SHISA6: variants seen among roughly 807,000 people sequenced by gnomAD.
The protein encoded by SHISA6 is protein shisa-6.
A neutral mutation model predicts 47.9 loss-of-function variants in SHISA6; 22 were observed. The ratio of observed to expected loss-of-function variants is 0.46; its 90% CI spans 0.33 to 0.66. The LOEUF (loss-of-function observed/expected upper bound fraction) is 0.66, where lower values mean the gene tolerates loss of function less well. SHISA6 is among the 30% of genes least tolerant of loss of function. The probability of loss-of-function intolerance (pLI) is 0.02; values close to 1 mark genes in which losing one functional copy is unlikely to be tolerated. For synonymous variants in SHISA6, 388 were observed against 337.8 expected (o/e 1.15, Z -1.63); for missense variants, 680 against 764.6 (o/e 0.89, Z 1.30).
At chr17:11,495,105 C>T (rs2071397456) in intron 3 of SHISA6, among the ~76,000 whole-genome samples, 1 of 152,122 alleles carries the variant, frequency 6.6e-6, no homozygotes, top group Admixed American at 6.5e-5. Flanking sequence ...TCATCCTGCC[C>T]CAGTAGATTT....
intron 2 of SHISA6, among the ~76,000 whole-genome samples, chr17:11,304,145 A>G (rs1910023679): frequency 6.6e-6 from 1 of 152,196 alleles, no homozygotes; most frequent in Non-Finnish European, 1.5e-5. Flanking sequence ...CCCAGTGGGT[A>G]ACGAGGGCCT....
intron 3 of SHISA6, among the ~76,000 whole-genome samples, chr17:11,423,254 T>TATATAA (rs1914503111): frequency 6.9e-6 from 1 of 144,980 alleles, no homozygotes; most frequent in Admixed American, 7.0e-5. Context: ...TATATATATA[T>TATATAA]AATATATATA....
At chr17:11,320,475 T>A (rs561573985) in intron 2 of SHISA6, among the ~76,000 whole-genome samples, 3 of 152,018 alleles carry the variant, frequency 2.0e-5, no homozygotes, top group African/African-American at 7.2e-5. Flanking sequence ...CTGGCTAACA[T>A]GGTGAAATCC....
At position 11,241,993 on chromosome 17, in the gene SHISA6, G is replaced by T. The variant is rs1907377872; in HGVS notation, c.571G>T (p.Ala191Ser). 6.4e-7 allele frequency: 1 copy of T among 1,550,920 alleles called. No individual in the cohort carries two copies. Residue 191 changes from alanine to serine, a missense_variant, in exon 1 of 6, where the codon GCC becomes TCC. Around this residue, in one of 2 missense-constraint regions of SHISA6, gnomAD observed 559 missense variants for 674.1 expected, o/e 0.83. Coordinates refer to ENST00000441885, the MANE Select transcript of SHISA6 (RefSeq NM_207386.4). This position sits in a 1 kb window ranked among gnomAD's most constrained non-coding sequence, Gnocchi z 5.5. ...CGGGGTGATCGCCTTCGTCATCGTG[G>T]CCGGCGTCTTCGCCAAGGTCTCCTA... ...TCGVIAFVIVAGVFAKVSYDK... is the reference protein window; with the variant it reads ...TCGVIAFVIVSGVFAKVSYDK...
At chr17:11,291,491 G>A (rs886570009) in intron 2 of SHISA6, among the ~76,000 whole-genome samples, 16 of 151,900 alleles carry the variant, frequency 1.1e-4, no homozygotes, top group African/African-American at 1.5e-4. Context: ...AAAATTAGCC[G>A]GGCATGGTGG....
At chr17:11,538,964 G>A (rs182396124) in intron 3 of SHISA6, among the ~76,000 whole-genome samples, 369 of 152,092 alleles carry the variant, frequency 2.4e-3, no homozygotes, top group Non-Finnish European at 4.4e-3. Flanking sequence ...GTTTGGAGAT[G>A]GAGTCTCGCT....
At chr17:11,439,245 G>A (rs1469836530) in intron 3 of SHISA6, among the ~76,000 whole-genome samples, 1 of 152,196 alleles carries the variant, frequency 6.6e-6, no homozygotes. Context: ...GAAGAGGAAT[G>A]CATAGATGCG....
intron 2 of SHISA6, among the ~76,000 whole-genome samples, chr17:11,283,654 TA>T (rs1909199130): frequency 6.6e-6 from 1 of 152,198 alleles, no homozygotes; most frequent in South Asian, 2.1e-4. Context: ...ATGAACTCAG[TA>T]AATATTTTCT....
At chr17:11,246,548 G>A (rs1400409874) in intron 1 of SHISA6, among the ~76,000 whole-genome samples, 1 of 146,488 alleles carries the variant, frequency 6.8e-6, no homozygotes, top group African/African-American at 2.5e-5. Flanking sequence ...TGGAAGAACT[G>A]GAGAAGTCTT....
At chr17:11,350,184 T>TTATTTATTTTTTTA (rs869046307) in intron 2 of SHISA6, among the ~76,000 whole-genome samples, 1 of 101,898 alleles carries the variant, frequency 9.8e-6, no homozygotes, top group East Asian at 3.5e-4. Context: ...ATTTATTTAT[T>TTATTTATTTTTTTA]TTTTTTTTTT....
chr17:11,467,562 A>C (rs1379855525), intron 3 of SHISA6, among the ~76,000 whole-genome samples: 1 of 152,172 alleles, frequency 6.6e-6, no homozygotes, highest in Non-Finnish European at 1.5e-5. Flanking sequence ...CCTCATTGTG[A>C]TATCCAAATC....
intron 2 of SHISA6, among the ~76,000 whole-genome samples, chr17:11,278,125 T>C (rs1191674581): frequency 6.6e-6 from 1 of 152,220 alleles, no homozygotes; most frequent in East Asian, 1.9e-4. Flanking sequence ...GGCTGTCCTC[T>C]GTGCTTTCCA....
intron 2 of SHISA6, among the ~76,000 whole-genome samples, chr17:11,315,927 A>G (rs1408337624): frequency 6.6e-6 from 1 of 152,146 alleles, no homozygotes; most frequent in Non-Finnish European, 1.5e-5. Flanking sequence ...TTTGTTAATC[A>G]TTTTTTATGC....
At chr17:11,327,031 G>A (rs6502142) in intron 2 of SHISA6, among the ~76,000 whole-genome samples, 27,984 of 152,176 alleles carry the variant, frequency 0.18, 2,678 homozygotes, top group African/African-American at 0.24. Flanking sequence ...TGGGTGGAGT[G>A]GGAGGAGCCG....
chr17:11,554,094 G>T (rs1265234825), intron 4 of SHISA6, among the ~76,000 whole-genome samples: 1 of 152,188 alleles, frequency 6.6e-6, no homozygotes, highest in East Asian at 1.9e-4. Context: ...ATGCCTTGTT[G>T]AGAGTATAAT....
chr17:11,281,187 TATATA>T (rs370182036), intron 2 of SHISA6, among the ~76,000 whole-genome samples: 8 of 152,204 alleles, frequency 5.3e-5, no homozygotes, highest in Non-Finnish European at 7.4e-5. Flanking sequence ...AGCAAGGATG[TATATA>T]ATATATCATG....
At chr17:11,534,989 G>A (rs1405606045) in intron 3 of SHISA6, among the ~76,000 whole-genome samples, 4 of 151,938 alleles carry the variant, frequency 2.6e-5, no homozygotes, top group East Asian at 3.9e-4. Flanking sequence ...TTAGCCATGC[G>A]TGGTGGCAGG....
At chr17:11,242,316 C>G (rs1392845878) in intron 1 of SHISA6, among the ~76,000 whole-genome samples, 1 of 152,162 alleles carries the variant, frequency 6.6e-6, no homozygotes, top group Non-Finnish European at 1.5e-5. Flanking sequence ...GCATGAAGTT[C>G]CAAGTGTAAG....
intron 3 of SHISA6, among the ~76,000 whole-genome samples, chr17:11,481,347 T>TGC (rs1238665774): frequency 9.8e-6 from 1 of 102,212 alleles, no homozygotes; most frequent in Non-Finnish European, 2.0e-5. Flanking sequence ...TGTGTGTGTG[T>TGC]GTGTGTGTGT....
Sources: gnomAD v4.1 joint callset for allele counts (sites outside exome capture counted in the v4.1 genomes callset) on GRCh38, gnomAD v4.1.1 for gene constraint, gnomAD v4.1.1 regional missense constraint, Gnocchi (gnomAD v3.1) non-coding constraint, MANE v1.5 for transcripts, NCBI Gene and HGNC (gene_info 2026-07-23, HGNC 2026-07-21) for gene names.